The following TRIM16 variants were observed in gnomAD, a reference collection of about 807,000 sequenced individuals.
The protein encoded by TRIM16 is tripartite motif containing 16.
Under a neutral mutation model 50.4 loss-of-function variants are expected in TRIM16, and 33 were observed. That is an observed-to-expected ratio of 0.65 (90% CI 0.50 to 0.88). The LOEUF is 0.88. TRIM16 is among the 40% of genes least tolerant of loss of function. The pLI is 0.00. For synonymous variants in TRIM16, 229 were observed against 270.7 expected (o/e 0.85, Z 1.51); for missense variants, 581 against 686.8 (o/e 0.85, Z 1.72).
intron 7 of TRIM16, among the ~76,000 whole-genome samples, chr17:15,648,241 CAAA>C (rs1037963776): frequency 3.7e-5 from 5 of 136,296 alleles, no homozygotes; most frequent in Admixed American, 7.0e-5. Flanking sequence ...AAAAAAAAAA[CAAA>C]AAACAAACAA....
At chr17:15,629,918 G>A (rs993776872) in intron 11 of TRIM16, among the ~76,000 whole-genome samples, 12 of 152,134 alleles carry the variant, frequency 7.9e-5, no homozygotes, top group African/African-American at 1.2e-4. Flanking sequence ...CTGGTCGTTC[G>A]CTGTTCTCTC....
chr17:15,641,233 T>C (rs1987102829), intron 8 of TRIM16, among the ~76,000 whole-genome samples: 1 of 148,130 alleles, frequency 6.8e-6, no homozygotes, highest in African/African-American at 2.5e-5. Context: ...ATGAAAATGA[T>C]GACAAGCAGA....
chr17:15,647,121 T>G (rs112887520), intron 7 of TRIM16, among the ~76,000 whole-genome samples: 2 of 151,818 alleles, frequency 1.3e-5, no homozygotes, highest in Non-Finnish European at 2.9e-5. Flanking sequence ...CGCCTGCTAC[T>G]GTGCCAGGCT....
chr17:15,667,560 A>G (rs1988550810), intron 6 of TRIM16, among the ~76,000 whole-genome samples: 1 of 152,158 alleles, frequency 6.6e-6, no homozygotes. Context: ...GAGAATATTT[A>G]TCAATTAACT....
intron 6 of TRIM16, among the ~76,000 whole-genome samples, chr17:15,655,863 C>T (rs569053446): frequency 2.0e-5 from 3 of 152,198 alleles, no homozygotes; most frequent in Non-Finnish European, 4.4e-5. Context: ...TGTGAGCCAC[C>T]GCGCCCAACG....
chr17:15,655,300 G>A (rs913743881), intron 6 of TRIM16, among the ~76,000 whole-genome samples: 5 of 152,226 alleles, frequency 3.3e-5, no homozygotes, highest in Non-Finnish European at 7.3e-5. Flanking sequence ...TACAGCTTCA[G>A]TAGAAATCAG....
intron 8 of TRIM16, 121 bp from the exon 9 acceptor site, chr17:15,636,390 A>C (rs1986744316): frequency 1.1e-6 from 1 of 951,642 alleles, no homozygotes; most frequent in Non-Finnish European, 1.6e-6. Context: ...GCAGTTCCCT[A>C]TTGTAAAAGG....
intron 6 of TRIM16, among the ~76,000 whole-genome samples, chr17:15,666,181 C>T (rs2151413337): frequency 6.6e-6 from 1 of 152,332 alleles, no homozygotes; most frequent in Non-Finnish European, 1.5e-5. Context: ...ATTCCTACAT[C>T]TACTCATTGC....
At chr17:15,664,625 A>G (rs977368576) in intron 6 of TRIM16, among the ~76,000 whole-genome samples, 2 of 152,226 alleles carry the variant, frequency 1.3e-5, no homozygotes, top group East Asian at 1.9e-4. Context: ...CTAGCGTCTC[A>G]GAGCTAGACA....
At chr17:15,637,957 T>G (rs369993193) in intron 8 of TRIM16, among the ~76,000 whole-genome samples, 7 of 141,896 alleles carry the variant, frequency 4.9e-5, no homozygotes, top group African/African-American at 1.1e-4. Context: ...CCCCCAACCC[T>G]GTGCTCTCTG....
chr17:15,664,082 T>C (rs1228194402), intron 6 of TRIM16, among the ~76,000 whole-genome samples: 1 of 152,214 alleles, frequency 6.6e-6, no homozygotes, highest in Non-Finnish European at 1.5e-5. Context: ...GAGCCAGATG[T>C]GGCAGCGGTT....
Position 15,683,015 on chromosome 17 carries a change from C to G in TRIM16, c.-777+21G>C, listed in dbSNP as rs1400225452. 3 of 1,550,326 alleles carry G rather than the reference C, an allele frequency of 1.9e-6. No individual in the cohort carries two copies. In the Admixed American group the frequency reaches 5.9e-5, roughly 30 times the overall value. ...TGCAGATTCTTGGCTAATGGCAGGA[C>G]CCTTTATTTCTATTTCTTACCTCTG... On this transcript the variant is annotated intron_variant, in intron 2 of 11. Transcript: ENST00000649191.
Position 15,629,028 on chromosome 17 carries a change from T to G in TRIM16, c.1282A>C (p.Arg428=). ...VLSQQSLYLH[R]YYFEVEIFGA... Reference sequence around the variant, plus strand: ...AAGATCTCCACCTCAAAATAGTACCTGTGCAGGTACAGACTCTGCTGGGAC... The same window carrying G: ...AAGATCTCCACCTCAAAATAGTACCGGTGCAGGTACAGACTCTGCTGGGAC... The change falls in exon 12 of 12, where the codon AGG becomes CGG. Residue 428 remains arginine (R), a synonymous_variant. Coordinates refer to ENST00000649191, the MANE Select transcript of TRIM16 (RefSeq NM_001348119.1). The G allele has an allele frequency of 6.2e-7, 1 of 1,614,138 alleles. No homozygotes were observed. Among genetic ancestry groups the G allele is most frequent in the Non-Finnish European group, 8.5e-7 (1 of 1,180,008 alleles).
intron 4 of TRIM16, among the ~76,000 whole-genome samples, chr17:15,679,346 G>A (rs1286533314): frequency 1.3e-5 from 2 of 152,138 alleles, no homozygotes; most frequent in Admixed American, 6.5e-5. Context: ...GTTAAGTTCA[G>A]GAAACAATGT....
chr17:15,658,942 T>C, intron 6 of TRIM16: 1 of 903,362 alleles, frequency 1.1e-6, no homozygotes, highest in Non-Finnish European at 1.3e-6. Context: ...AGGAACGAAA[T>C]AAAGGTGAGA....
At position 15,638,076 on chromosome 17, in the gene TRIM16, C is replaced by T. The variant is rs1185030103; in HGVS notation, c.616-1807G>A. Among the ~76,000 whole-genome samples, 25 of 128,482 alleles carry T rather than the reference C, an allele frequency of 1.9e-4. 1 individual carries two copies. The East Asian group carries it at 5.9e-3, about 30-fold the overall frequency. The allele number at this position is 128,482 out of a possible 152,430, so 84.3% of individuals were successfully genotyped here. ...ATGCTCGTTAAGAGTCATCACCACT[C>T]CCTAATCTCAAGTAATCAGGGACAC... On this transcript the variant is annotated intron_variant, in intron 8 of 11. Coordinates refer to ENST00000649191, the MANE Select transcript of TRIM16 (RefSeq NM_001348119.1).
intron 3 of TRIM16, among the ~76,000 whole-genome samples, 197 bp downstream of exon 3, chr17:15,682,657 T>C (rs1205778931): frequency 6.6e-6 from 1 of 152,248 alleles, no homozygotes; most frequent in Non-Finnish European, 1.5e-5. Context: ...CCATGTGCTA[T>C]AATGCCAAAT....
chr17:15,630,469 G>A (rs1986358344), intron 11 of TRIM16, among the ~76,000 whole-genome samples: 1 of 152,172 alleles, frequency 6.6e-6, no homozygotes. Flanking sequence ...AAGATGCTCA[G>A]TATATACTTG....
chr17:15,682,878 T>C lies in TRIM16; in HGVS notation c.-703A>G. 6.9e-7 allele frequency: 1 copy of C among 1,456,478 alleles called. No homozygotes were observed. The highest frequency in any genetic ancestry group is 9.0e-7 in the Non-Finnish European group (1 of 1,107,272). 90.2% of individuals were successfully genotyped at this position (1,456,478 alleles called of 1,614,324 possible). ...CCACGCACCAGGTGCTTTCCATAAA[T>C]CAGTATTCACAGATGAGGAAACTGT... On this transcript the variant is annotated 5_prime_UTR_variant, in exon 3 of 12. Coordinates refer to ENST00000649191, the MANE Select transcript of TRIM16 (RefSeq NM_001348119.1).
Sources: gnomAD v4.1 joint callset for allele counts (sites outside exome capture counted in the v4.1 genomes callset) on GRCh38, gnomAD v4.1.1 for gene constraint, MANE v1.5 for transcripts, NCBI Gene and HGNC (gene_info 2026-07-23, HGNC 2026-07-21) for gene names.